The following DOCK2 variants were observed in gnomAD, a reference collection of about 807,000 sequenced individuals.
DOCK2 encodes the protein dedicator of cytokinesis protein 2.
DOCK2 carries 87 observed loss-of-function variants against 248.9 expected under a neutral mutation model. That is an observed-to-expected ratio of 0.35 (90% CI 0.29 to 0.42). The LOEUF (loss-of-function observed/expected upper bound fraction) is 0.42. Ranked by LOEUF, DOCK2 falls within the 10% of genes least tolerant of loss-of-function variation. The probability of loss-of-function intolerance (pLI) is 1.00; values close to 1 mark genes in which losing one functional copy is unlikely to be tolerated. For missense variants in DOCK2, 1,747 were observed against 2,300.2 expected, an observed-to-expected ratio of 0.76 and a Z score of 4.92; for synonymous variants, 805 against 821.6, an observed-to-expected ratio of 0.98 and a Z score of 0.35.
At chr5:169,692,537 CG>C (rs1356113354) in intron 9 of DOCK2, among the ~76,000 whole-genome samples, 1 of 128,320 alleles carries the variant, frequency 7.8e-6, no homozygotes, top group Non-Finnish European at 1.6e-5. Context: ...GGTGGGGTGG[CG>C]GGGGGGCGCT....
intron 32 of DOCK2, among the ~76,000 whole-genome samples, 188 bp downstream of exon 32, chr5:170,008,934 T>C (rs981703970): frequency 2.6e-5 from 4 of 152,026 alleles, no homozygotes; most frequent in Non-Finnish European, 4.4e-5. Flanking sequence ...CCATACCCAC[T>C]TCTACCCCCA....
At chr5:169,954,171 G>C (rs1036520908) in intron 27 of DOCK2, among the ~76,000 whole-genome samples, 2 of 152,188 alleles carry the variant, frequency 1.3e-5, no homozygotes, top group African/African-American at 4.8e-5. Flanking sequence ...ATGTTTAAAA[G>C]AGGTTTTAAT....
chr5:169,968,898 A>G (rs556271060), intron 27 of DOCK2, among the ~76,000 whole-genome samples: 1 of 152,292 alleles, frequency 6.6e-6, no homozygotes, highest in African/African-American at 2.4e-5. Context: ...AAAATGAATT[A>G]TGCATTTTAG....
intron 27 of DOCK2, among the ~76,000 whole-genome samples, chr5:169,896,052 A>G (rs1352079577): frequency 1.3e-5 from 2 of 152,148 alleles, no homozygotes; most frequent in Admixed American, 6.5e-5. Context: ...AACGACCAGG[A>G]CAGCCTTTCT....
chr5:169,818,830 A>G (rs1057287980), intron 26 of DOCK2, among the ~76,000 whole-genome samples: 2 of 152,340 alleles, frequency 1.3e-5, no homozygotes, highest in South Asian at 2.1e-4. Context: ...ATAAATATTA[A>G]TAATTTCAGG....
chr5:169,995,386 G>T (rs1157571224), intron 29 of DOCK2, among the ~76,000 whole-genome samples: 1 of 152,070 alleles, frequency 6.6e-6, no homozygotes, highest in African/African-American at 2.4e-5. Flanking sequence ...TATATAGGAG[G>T]TATTTGATAT....
In DOCK2 at chr5:169,731,771, G is replaced by C. The variant is rs1762786218; in HGVS notation, c.2267+12980G>C. ...GTTCCTATCAGATGGACATTCTTTGGGGAAGGGCAAACTTGCATGTCTTGA... is the reference window on the plus strand; with the variant it reads ...GTTCCTATCAGATGGACATTCTTTGCGGAAGGGCAAACTTGCATGTCTTGA... On this transcript the variant is annotated intron_variant, in intron 22 of 51. Coordinates refer to ENST00000520908, the MANE Select transcript of DOCK2 (RefSeq NM_004946.3). 2.0e-5 allele frequency among the ~76,000 whole-genome samples: 3 copies of C among 152,006 alleles called. No individual in the cohort carries two copies. The South Asian group carries it at 6.2e-4, about 32-fold the overall frequency.
intron 27 of DOCK2, among the ~76,000 whole-genome samples, chr5:169,897,341 C>A (rs1773671146): frequency 6.6e-6 from 1 of 152,134 alleles, no homozygotes; most frequent in East Asian, 1.9e-4. Flanking sequence ...CACACCACCA[C>A]ACCCAGCTAA....
chr5:169,997,660 C>T (rs1026824254), intron 30 of DOCK2, among the ~76,000 whole-genome samples: 12 of 149,770 alleles, frequency 8.0e-5, no homozygotes, highest in Non-Finnish European at 1.5e-4. Flanking sequence ...GCCCTTAATC[C>T]ATTCAACTCT....
chr5:169,694,826 TTAGG>T (rs1760520219), intron 9 of DOCK2, among the ~76,000 whole-genome samples: 1 of 151,234 alleles, frequency 6.6e-6, no homozygotes, highest in African/African-American at 2.4e-5. Flanking sequence ...AAAAAAAAAA[TTAGG>T]TAGGCATGGT....
intron 26 of DOCK2, among the ~76,000 whole-genome samples, chr5:169,832,793 CAGT>C (rs1456219500): frequency 1.3e-5 from 2 of 152,030 alleles, no homozygotes; most frequent in Non-Finnish European, 2.9e-5. Flanking sequence ...ATGGACAAAA[CAGT>C]AGCAGCCATA....
chr5:170,065,334 A>G (rs542274820), intron 44 of DOCK2, among the ~76,000 whole-genome samples: 11 of 152,346 alleles, frequency 7.2e-5, no homozygotes, highest in African/African-American at 2.6e-4. Flanking sequence ...AATAAAGGAA[A>G]AAAAGAACAA....
rs36216194 is a variant in DOCK2 at position 169,898,528 on chromosome 5, A to AAACAAC, written c.2799+57705_2799+57710dup. On this transcript the variant is annotated intron_variant, in intron 27 of 51. Coordinates refer to ENST00000520908, the MANE Select transcript of DOCK2 (RefSeq NM_004946.3). Reference sequence around the variant, plus strand: ...TCCTCTACATGCACACACACACACAAAACAACAACAACAACAACAACAACA... The same window carrying AAACAAC: ...TCCTCTACATGCACACACACACACAAAACAACAACAACAACAACAACAACAACAACA... 9.1e-3 allele frequency among the ~76,000 whole-genome samples: 1,371 copies of AAACAAC among 151,240 alleles called. 22 individuals carry two copies. Among genetic ancestry groups the AAACAAC allele is most frequent in the South Asian group, 0.078 (371 of 4,772 alleles).
At chr5:169,646,775 T>G (rs1757496064) in intron 1 of DOCK2, among the ~76,000 whole-genome samples, 1 of 152,244 alleles carries the variant, frequency 6.6e-6, no homozygotes, top group Non-Finnish European at 1.5e-5. Context: ...TGGCAAAATG[T>G]GCTTATTTTA....
chr5:169,758,225 A>G (rs750217737), intron 23 of DOCK2, among the ~76,000 whole-genome samples: 2 of 152,214 alleles, frequency 1.3e-5, no homozygotes, highest in Non-Finnish European at 2.9e-5. Flanking sequence ...ACTGGTGTGC[A>G]GTTAACTACA....
intron 27 of DOCK2, among the ~76,000 whole-genome samples, chr5:169,972,096 A>G (rs1358076309): frequency 6.6e-6 from 1 of 152,266 alleles, no homozygotes; most frequent in Non-Finnish European, 1.5e-5. Flanking sequence ...TAATCAAATT[A>G]TAAAATAAAA....
At chr5:169,972,574 TAGATAGATAGATGATAGATA>T (rs1362429443) in intron 27 of DOCK2, among the ~76,000 whole-genome samples, 23 of 66,240 alleles carry the variant, frequency 3.5e-4, no homozygotes, top group African/African-American at 8.3e-4. Context: ...GATAGATAGA[TAGATAGATAGATGATAGATA>T]GATAGATAGA....
At chr5:169,846,184 GC>G (rs1246528918) in intron 27 of DOCK2, among the ~76,000 whole-genome samples, 2 of 152,134 alleles carry the variant, frequency 1.3e-5, no homozygotes, top group Non-Finnish European at 2.9e-5. Context: ...TCCCAGGAGG[GC>G]CCCAAGTGGG....
chr5:169,903,695 G>A (rs166354), intron 27 of DOCK2, among the ~76,000 whole-genome samples: 98,513 of 151,906 alleles, frequency 0.65, 32,261 homozygotes, highest in Admixed American at 0.72. Flanking sequence ...GAACTTACTC[G>A]GGGCAGGGGG....
Sources: allele counts gnomAD v4.1 joint callset (sites outside exome capture counted in the v4.1 genomes callset), GRCh38; gene constraint gnomAD v4.1.1; transcripts MANE v1.5; gene names NCBI Gene and HGNC (gene_info 2026-07-23, HGNC 2026-07-21).